Variants in SHROOM4 observed in about 807,000 individuals in gnomAD.
SHROOM4 encodes protein Shroom4.
A neutral mutation model predicts 80.3 loss-of-function variants in SHROOM4; 17 were observed. The ratio of observed to expected loss-of-function variants is 0.21; its 90% CI spans 0.14 to 0.32. SHROOM4 has a LOEUF of 0.32. Ranked by LOEUF, SHROOM4 falls within the 10% of genes least tolerant of loss-of-function variation. The pLI is 1.00. For missense variants in SHROOM4, 993 were observed against 1,140.3 expected (o/e 0.87, Z 1.86); for synonymous variants, 400 against 437.5 (o/e 0.91, Z 1.07).
chrX:50,804,527 G>C (rs1936188137), intron 1 of SHROOM4, among the ~76,000 whole-genome samples: 1 of 111,624 alleles, frequency 9.0e-6, no homozygotes, highest in Admixed American at 9.5e-5. Context: ...TCTTTCACCT[G>C]TGTAAACACA....
chrX:50,703,040 G>A (rs1602446697), intron 1 of SHROOM4, among the ~76,000 whole-genome samples: 2 of 111,597 alleles, frequency 1.8e-5, no homozygotes, highest in Admixed American at 9.5e-5. Context: ...CTCTTAAAAC[G>A]TTAGCCTTCA....
At chrX:50,584,191 C>T (rs1557244567), downstream of SHROOM4, among the ~76,000 whole-genome samples, 1 of 112,206 alleles carries the variant, frequency 8.9e-6, no homozygotes, top group African/African-American at 3.2e-5. Context: ...CATTAGCCTT[C>T]ATGTGAGATG....
chrX:50,783,603 T>C (rs1935675387), intron 1 of SHROOM4, among the ~76,000 whole-genome samples: 1 of 108,840 alleles, frequency 9.2e-6, no homozygotes, highest in African/African-American at 3.4e-5. Context: ...TAAGACAGAG[T>C]CTTGCTCTGT....
intron 2 of SHROOM4, among the ~76,000 whole-genome samples, chrX:50,654,173 G>C (rs1392320813): frequency 9.0e-6 from 1 of 111,419 alleles, no homozygotes; most frequent in Non-Finnish European, 1.9e-5. Context: ...TTTAGGGTGA[G>C]GAAGCTCCCA....
At chrX:50,795,152 TATATATATATATATG>T (rs1762861185) in intron 1 of SHROOM4, among the ~76,000 whole-genome samples, 1 of 8,231 alleles carries the variant, frequency 1.2e-4, no homozygotes, top group African/African-American at 1.5e-4. Flanking sequence ...ATATGATATA[TATATATATATATATG>T]ATATATATAT....
At chrX:50,613,142 C>T (rs2147245607) in intron 5 of SHROOM4, among the ~76,000 whole-genome samples, 1 of 111,393 alleles carries the variant, frequency 9.0e-6, no homozygotes, top group South Asian at 3.8e-4. Context: ...TTTTTTGAGA[C>T]AGAGTCCAGC....
intron 1 of SHROOM4, among the ~76,000 whole-genome samples, chrX:50,714,804 G>C (rs896684549): frequency 1.8e-5 from 2 of 111,593 alleles, no homozygotes; most frequent in Non-Finnish European, 3.8e-5. Flanking sequence ...GTTATTAGAG[G>C]CTCAATCTTC....
Position 50,596,084 on chromosome X carries a change from A to G in SHROOM4, c.*611T>C. On this transcript the variant is annotated 3_prime_UTR_variant, in exon 9 of 9. Coordinates refer to ENST00000376020, the MANE Select transcript of SHROOM4 (RefSeq NM_020717.5). ...CTTCCCCTGAACTTGCTGCTGGGAA[A>G]GGTAAGGGTAGAGCCTATTTAAACC... 3.0e-6 allele frequency: 1 copy of G among 329,798 alleles called. No individual in the cohort carries two copies. The highest frequency in any genetic ancestry group is 5.9e-6 in the Non-Finnish European group (1 of 170,029). The allele number at this position is 329,798 out of a possible 1,213,427, so 27.2% of individuals were successfully genotyped here. A position where few individuals can be genotyped will look rare whatever the true frequency, so the allele number is the denominator to read the frequency against.
chrX:50,650,113 T>C (rs1305542249), intron 2 of SHROOM4, among the ~76,000 whole-genome samples: 3 of 112,173 alleles, frequency 2.7e-5, no homozygotes, highest in Non-Finnish European at 5.6e-5. Flanking sequence ...AATGTAATGG[T>C]AAATTTAAAA....
chrX:50,704,324 A>G (rs1250102370), intron 1 of SHROOM4, among the ~76,000 whole-genome samples: 1 of 112,419 alleles, frequency 8.9e-6, no homozygotes, highest in Non-Finnish European at 1.9e-5. Context: ...TTAGAGAGTG[A>G]TGGGAATAAT....
At chrX:50,804,633 C>T (rs936354027) in intron 1 of SHROOM4, among the ~76,000 whole-genome samples, 3 of 112,314 alleles carry the variant, frequency 2.7e-5, no homozygotes, top group African/African-American at 9.7e-5. Context: ...TTTCACTTAA[C>T]TTCTCCTGAG....
intron 5 of SHROOM4, among the ~76,000 whole-genome samples, chrX:50,611,144 CTTTTTTTTTTT>C (rs782473243): frequency 2.9e-5 from 2 of 68,218 alleles, no homozygotes; most frequent in Non-Finnish European, 2.6e-5. Flanking sequence ...TTCTTTTTTT[CTTTTTTTTTTT>C]TTTTTTTTTT....
intron 1 of SHROOM4, among the ~76,000 whole-genome samples, chrX:50,777,953 T>C (rs1003321328): frequency 8.9e-6 from 1 of 112,111 alleles, no homozygotes; most frequent in Admixed American, 9.4e-5. Context: ...AAATCCTACA[T>C]GTGCTGATTT....
At chrX:50,704,237 C>G (rs782450086) in intron 1 of SHROOM4, among the ~76,000 whole-genome samples, 1 of 111,896 alleles carries the variant, frequency 8.9e-6, no homozygotes, top group Admixed American at 9.5e-5. Flanking sequence ...AATTCATTGT[C>G]ATTTTCAAAC....
intron 1 of SHROOM4, among the ~76,000 whole-genome samples, chrX:50,778,134 T>C (rs1557270304): frequency 8.9e-6 from 1 of 111,948 alleles, no homozygotes; most frequent in Non-Finnish European, 1.9e-5. Flanking sequence ...CTCCACAATG[T>C]ATCAAGAATC....
At position 50,596,440 on chromosome X, in the gene SHROOM4, G is replaced by A; in HGVS notation, c.*255C>T. 2.0e-6 allele frequency: 1 copy of A among 499,420 alleles called. No individual in the cohort carries two copies. The highest frequency in any genetic ancestry group is 3.6e-6 in the Non-Finnish European group (1 of 278,664). 41.2% of individuals were successfully genotyped at this position (499,420 alleles called of 1,213,427 possible). A position where few individuals can be genotyped will look rare whatever the true frequency, so the allele number is the denominator to read the frequency against. ...TCTGTGCAGCAAGTACTTGCCCTTG[G>A]CAACTGTGGGAAGGAGAGTGTGGTT... On this transcript the variant is annotated 3_prime_UTR_variant, in exon 9 of 9. Transcript: ENST00000376020.
chrX:50,721,603 C>G (rs781982237), intron 1 of SHROOM4, among the ~76,000 whole-genome samples: 1 of 111,125 alleles, frequency 9.0e-6, no homozygotes, highest in South Asian at 3.9e-4. Flanking sequence ...GGACCTGTAT[C>G]TTGTGCCGAC....
Position 50,608,187 on chromosome X carries a change from GC to G in SHROOM4, c.2958-4del. On this transcript the variant is annotated splice_region_variant and splice_polypyrimidine_tract_variant and intron_variant, in intron 5 of 8. Transcript: ENST00000376020. ...TAGTCTTGGAATGAGCCATTTCCCT[GC>G]AAAACATCAGATGAGTACTGAGAAA... The G allele has an allele frequency of 1.7e-6, 2 of 1,211,070 alleles. No homozygotes were observed. The highest frequency in any genetic ancestry group is 2.2e-6 in the Non-Finnish European group (2 of 894,986).
chrX:50,695,826 T>A lies in SHROOM4; in HGVS notation c.229A>T (p.Ile77Phe). Reference protein sequence around the residue: ...YGSRQEALILIKGSFRILKLI... With the variant: ...YGSRQEALILFKGSFRILKLI... ...TTGAGAATCCGGAAGGAGCCTTTGA[T>A]GAGAATGAGGGCCTCTTGGCGGGAG... The change falls in exon 2 of 9, where the codon ATC becomes TTC. Residue 77 changes from isoleucine to phenylalanine, a missense_variant. Coordinates refer to ENST00000376020, the MANE Select transcript of SHROOM4 (RefSeq NM_020717.5). 2.5e-6 allele frequency: 3 copies of A among 1,211,997 alleles called. No individual in the cohort carries two copies. The highest frequency in any genetic ancestry group is 3.4e-6 in the Non-Finnish European group (3 of 895,460).
Sources: gnomAD v4.1 joint callset for allele counts (sites outside exome capture counted in the v4.1 genomes callset) on GRCh38, gnomAD v4.1.1 for gene constraint, MANE v1.5 for transcripts, NCBI Gene and HGNC (gene_info 2026-07-23, HGNC 2026-07-21) for gene names.